LRRC7: variants seen among roughly 807,000 people sequenced by gnomAD.
LRRC7 encodes the protein leucine rich repeat containing 7.
In LRRC7, 23 loss-of-function variants were observed where a neutral mutation model predicts 175.7. The ratio of observed to expected loss-of-function variants is 0.13; its 90% CI spans 0.09 to 0.19. LRRC7 has a LOEUF of 0.19. Ranked by LOEUF, LRRC7 falls within the 10% of genes least tolerant of loss-of-function variation. The pLI is 1.00. For synonymous variants in LRRC7, 685 were observed against 680.9 expected, an observed-to-expected ratio of 1.01 and a Z score of -0.09; for missense variants, 1,354 against 1,904.7, an observed-to-expected ratio of 0.71 and a Z score of 5.38.
intron 22 of LRRC7, among the ~76,000 whole-genome samples, chr1:70,046,090 AC>A (rs1336510625): frequency 6.6e-6 from 1 of 151,550 alleles, no homozygotes; most frequent in East Asian, 1.9e-4. Flanking sequence ...TATTGCCTGA[AC>A]CCCCCTGAAG....
rs1351731242 is a variant in LRRC7, at chr1:70,139,732, T to C, written c.*17845T>C. On this transcript the variant is annotated 3_prime_UTR_variant, in exon 27 of 27. Coordinates refer to ENST00000651989, the MANE Select transcript of LRRC7 (RefSeq NM_001370785.2). Reference sequence around the variant, plus strand: ...GAAGTCATAGGAATGAGACATTAATTGTAGGTTTTCAGGAAAGCTTCGGAG... The same window carrying C: ...GAAGTCATAGGAATGAGACATTAATCGTAGGTTTTCAGGAAAGCTTCGGAG... The C allele has an allele frequency of 6.6e-6, 1 of 152,172 alleles. No individual in the cohort carries two copies. The highest frequency in any genetic ancestry group is 1.9e-4 in the East Asian group (1 of 5,198). 9.4% of individuals were successfully genotyped at this position (152,172 alleles called of 1,614,324 possible).
intron 20 of LRRC7, 73 bp from the exon 21 acceptor site, chr1:70,038,040 G>C: frequency 6.6e-7 from 1 of 1,515,832 alleles, no homozygotes; most frequent in South Asian, 1.3e-5. Context: ...GGCCCTCTTT[G>C]CTGCTTGTTC....
chr1:69,983,267 ACT>A (rs1653617831), intron 9 of LRRC7, among the ~76,000 whole-genome samples: 1 of 152,136 alleles, frequency 6.6e-6, no homozygotes, highest in African/African-American at 2.4e-5. Flanking sequence ...CTGTGCTCAC[ACT>A]CTGCACCCAC....
At chr1:69,643,712 G>T (rs541933380) in intron 1 of LRRC7, among the ~76,000 whole-genome samples, 4 of 151,888 alleles carry the variant, frequency 2.6e-5, no homozygotes, top group Non-Finnish European at 4.4e-5. Context: ...TCAGGCTGAG[G>T]GATTAATGTC....
At chr1:69,761,599 T>C (rs1671042239) in intron 3 of LRRC7, among the ~76,000 whole-genome samples, 2 of 152,006 alleles carry the variant, frequency 1.3e-5, no homozygotes, top group South Asian at 4.1e-4. Flanking sequence ...ACAGGTATAG[T>C]GTATTTTTTA....
intron 1 of LRRC7, among the ~76,000 whole-genome samples, chr1:69,608,860 CTCTCTCTATA>C (rs1214113576): frequency 0.02 from 459 of 23,188 alleles, no homozygotes; most frequent in Middle Eastern, 0.031. Context: ...CTCTCTCTCT[CTCTCTCTATA>C]TATATATATA....
chr1:69,882,128 T>C (rs1485913440), intron 7 of LRRC7, among the ~76,000 whole-genome samples: 1 of 151,832 alleles, frequency 6.6e-6, no homozygotes, highest in Non-Finnish European at 1.5e-5. Context: ...TATGAGAAGA[T>C]GTTCAACATC....
At chr1:70,047,696 A>G (rs946946670) in intron 22 of LRRC7, among the ~76,000 whole-genome samples, 11 of 152,024 alleles carry the variant, frequency 7.2e-5, no homozygotes, top group Non-Finnish European at 1.3e-4. Flanking sequence ...CAAGTATGGT[A>G]TATTTTTCAT....
chr1:69,730,367 T>A lies in LRRC7; in HGVS notation c.101-29824T>A, dbSNP rs560730051. ...TTTTAAACTTTTATTCCCTGCTTCCTCTTAAGTGCTTTGCTGCATAGAAAT... is the reference window on the plus strand; with the variant it reads ...TTTTAAACTTTTATTCCCTGCTTCCACTTAAGTGCTTTGCTGCATAGAAAT... On this transcript the variant is annotated intron_variant, in intron 2 of 26. Transcript: ENST00000651989. Among the ~76,000 whole-genome samples, 5 of 152,178 alleles carry A rather than the reference T, an allele frequency of 3.3e-5. No individual in the cohort carries two copies. The South Asian group carries it at 6.2e-4, about 19-fold the overall frequency.
intron 23 of LRRC7, among the ~76,000 whole-genome samples, chr1:70,054,578 C>CTTTTTTTTTTTTTT (rs35639787): frequency 3.7e-5 from 2 of 53,798 alleles, no homozygotes; most frequent in Non-Finnish European, 6.9e-5. Flanking sequence ...TTACACTCTA[C>CTTTTTTTTTTTTTT]TTTTTTTTTT....
At chr1:69,708,227 A>G (rs1664286591) in intron 2 of LRRC7, among the ~76,000 whole-genome samples, 1 of 152,202 alleles carries the variant, frequency 6.6e-6, no homozygotes, top group Non-Finnish European at 1.5e-5. Context: ...TTTCAAGTCA[A>G]GTATTTCTGT....
chr1:69,693,588 T>G (rs1312490127), intron 2 of LRRC7, among the ~76,000 whole-genome samples: 2 of 149,680 alleles, frequency 1.3e-5, no homozygotes, highest in African/African-American at 5.0e-5. Flanking sequence ...TGAGACCCAC[T>G]CACATTATGC....
intron 1 of LRRC7, among the ~76,000 whole-genome samples, chr1:69,666,950 A>G (rs1338651740): frequency 6.6e-6 from 1 of 152,028 alleles, no homozygotes; most frequent in Non-Finnish European, 1.5e-5. Flanking sequence ...AATAGCTATA[A>G]ACTTCCTTCT....
chr1:70,063,687 G>A (rs188725829), intron 23 of LRRC7, among the ~76,000 whole-genome samples: 1 of 152,102 alleles, frequency 6.6e-6, no homozygotes, highest in East Asian at 1.9e-4. Context: ...ATAAATTGTT[G>A]TCAAACTTTT....
chr1:69,994,717 T>A, intron 11 of LRRC7, 84 bp downstream of exon 11: 1 of 851,528 alleles, frequency 1.2e-6, no homozygotes. Context: ...CAAAACATTT[T>A]CTACTAAAGA....
chr1:70,132,861 A>G lies in LRRC7; in HGVS notation c.*10974A>G, dbSNP rs1210234675. On this transcript the variant is annotated 3_prime_UTR_variant, in exon 27 of 27. Coordinates refer to ENST00000651989, the MANE Select transcript of LRRC7 (RefSeq NM_001370785.2). ...GGAGCAAAATTATTGTCCTATCATA[A>G]GACAGAAAGGGACCTTGAGAGGATC... 6.6e-6 allele frequency among the ~76,000 whole-genome samples: 1 copy of G among 152,158 alleles called. No homozygotes were observed. Among genetic ancestry groups the G allele is most frequent in the Non-Finnish European group, 1.5e-5 (1 of 68,032 alleles).
intron 11 of LRRC7, among the ~76,000 whole-genome samples, chr1:70,006,471 C>CA (rs1330605625): frequency 0.039 from 3,021 of 77,866 alleles, 98 homozygotes; most frequent in African/African-American, 0.12. Context: ...GACTCAGTCT[C>CA]AAAAAAAAAA....
intron 2 of LRRC7, among the ~76,000 whole-genome samples, chr1:69,732,605 T>G (rs1051259272): frequency 3.9e-5 from 6 of 152,062 alleles, no homozygotes; most frequent in African/African-American, 1.4e-4. Flanking sequence ...AGATTAGATT[T>G]AAGTAAATAT....
At chr1:69,941,938 T>C (rs1193463632) in intron 8 of LRRC7, among the ~76,000 whole-genome samples, 1 of 152,158 alleles carries the variant, frequency 6.6e-6, no homozygotes, top group Non-Finnish European at 1.5e-5. Flanking sequence ...ACAATTTTCA[T>C]TGATATGCCT....
Sources: allele counts gnomAD v4.1 joint callset (sites outside exome capture counted in the v4.1 genomes callset), GRCh38; gene constraint gnomAD v4.1.1; transcripts MANE v1.5; gene names NCBI Gene and HGNC (gene_info 2026-07-23, HGNC 2026-07-21).